Variants in ACACA observed in about 807,000 individuals in gnomAD.
The protein encoded by ACACA is acetyl-CoA carboxylase 1.
A neutral mutation model predicts 296.1 loss-of-function variants in ACACA; 103 were observed. The ratio of observed to expected loss-of-function variants is 0.35; its 90% CI spans 0.30 to 0.41. The LOEUF is 0.41. ACACA is among the 10% of genes least tolerant of loss of function. The pLI is 1.00. For synonymous variants in ACACA, 953 were observed against 1,038.6 expected, an observed-to-expected ratio of 0.92 and a Z score of 1.58; for missense variants, 1,554 against 2,989.7, an observed-to-expected ratio of 0.52 and a Z score of 11.20.
intron 11 of ACACA, among the ~76,000 whole-genome samples, chr17:37,260,294 ATATTTTTTTTTT>A (rs1199430209): frequency 4.8e-4 from 7 of 14,708 alleles, no homozygotes; most frequent in African/African-American, 1.8e-3. Flanking sequence ...ATATATATAT[ATATTTTTTTTTT>A]TTTTTTTTTT....
At chr17:37,094,919 T>G (rs1597798157) in intron 54 of ACACA, among the ~76,000 whole-genome samples, 1 of 152,086 alleles carries the variant, frequency 6.6e-6, no homozygotes, top group Non-Finnish European at 1.5e-5. Flanking sequence ...AGCTACGGGG[T>G]GGGGGTTCTC....
chr17:37,226,262 C>G (rs1483746538), intron 26 of ACACA, 77 bp downstream of exon 26: 14 of 1,122,224 alleles, frequency 1.2e-5, no homozygotes, highest in Admixed American at 3.4e-5. Flanking sequence ...AGTGATTAAG[C>G]AAAAGTTCAT....
At chr17:37,090,750 T>C (rs943162778) in intron 54 of ACACA, among the ~76,000 whole-genome samples, 7 of 152,092 alleles carry the variant, frequency 4.6e-5, no homozygotes, top group Non-Finnish European at 7.4e-5. Flanking sequence ...TATGGATGGG[T>C]CCCCCTGGAC....
intron 3 of ACACA, among the ~76,000 whole-genome samples, chr17:37,287,569 T>TAAAAAAAA (rs1170331801): frequency 7.2e-5 from 5 of 69,872 alleles, no homozygotes; most frequent in East Asian, 3.5e-4. Context: ...ACGTCTCTAC[T>TAAAAAAAA]AAAAAAAAAA....
At chr17:37,289,315 T>C (rs879630238) in intron 3 of ACACA, 1 of 497,806 alleles carries the variant, frequency 2.0e-6, no homozygotes, top group Non-Finnish European at 3.3e-6. Flanking sequence ...AAAACAGGTA[T>C]ATCTGGCTGT....
chr17:37,367,478 C>T (rs890754608), intron 1 of ACACA: 1 of 152,134 alleles, frequency 6.6e-6, no homozygotes, highest in Admixed American at 6.6e-5. Flanking sequence ...TGCTTTAAAT[C>T]CTGACTCTGT....
At chr17:37,239,957 G>A (rs2080308920) in intron 24 of ACACA, among the ~76,000 whole-genome samples, 1 of 152,216 alleles carries the variant, frequency 6.6e-6, no homozygotes, top group African/African-American at 2.4e-5. Context: ...TTTAGCCAAG[G>A]TTATTTCACA....
chr17:37,318,754 C>T (rs1403137882), intron 3 of ACACA, among the ~76,000 whole-genome samples: 3 of 152,128 alleles, frequency 2.0e-5, no homozygotes, highest in Non-Finnish European at 4.4e-5. Context: ...GCACATTTTA[C>T]TATTCCAAAA....
intron 1 of ACACA, among the ~76,000 whole-genome samples, chr17:37,374,492 G>T (rs2049922837): frequency 6.6e-6 from 1 of 151,972 alleles, no homozygotes; most frequent in Non-Finnish European, 1.5e-5. Context: ...TCTCCATGTT[G>T]GTCAGGCTGG....
intron 41 of ACACA, among the ~76,000 whole-genome samples, chr17:37,168,170 A>C (rs1598043885): frequency 6.6e-6 from 1 of 152,160 alleles, no homozygotes; most frequent in East Asian, 1.9e-4. Context: ...CTACGGCATA[A>C]GTTTGTTGTA....
rs191468118 is a variant in ACACA, at chr17:37,098,110, C to T, written c.6566-126G>A. ...CTCTTCCCTCTGTGGCCTGGCTCTC[C>T]GTTGTCTTCTCTGCTCTTTGCTGAT... On this transcript the variant is annotated intron_variant, in intron 52 of 55. Transcript: ENST00000616317. 2.6e-4 allele frequency: 305 copies of T among 1,185,048 alleles called. No individual in the cohort carries two copies. In the East Asian group the frequency reaches 4.4e-3, roughly 17 times the overall value. The allele number at this position is 1,185,048 out of a possible 1,614,324, so 73.4% of individuals were successfully genotyped here. A position where few individuals can be genotyped will look rare whatever the true frequency, so the allele number is the denominator to read the frequency against.
intron 46 of ACACA, among the ~76,000 whole-genome samples, 180 bp from the exon 47 acceptor site, chr17:37,129,665 C>T (rs886753426): frequency 2.6e-5 from 4 of 152,110 alleles, no homozygotes; most frequent in Non-Finnish European, 5.9e-5. Flanking sequence ...ATGTATAGGT[C>T]AATAGTCTCA....
chr17:37,264,556 A>G (rs2081660990), intron 10 of ACACA, among the ~76,000 whole-genome samples: 1 of 151,942 alleles, frequency 6.6e-6, no homozygotes, highest in African/African-American at 2.4e-5. Context: ...ATAAGCATAG[A>G]TGTGGTTCTT....
chr17:37,313,306 G>GA (rs900892413), intron 3 of ACACA, among the ~76,000 whole-genome samples: 84 of 141,104 alleles, frequency 6.0e-4, no homozygotes, highest in South Asian at 1.3e-3. Flanking sequence ...AAGTTGAAGG[G>GA]AAAAAAAAAA....
chr17:37,297,074 T>C (rs1598427217), intron 3 of ACACA, among the ~76,000 whole-genome samples: 1 of 151,982 alleles, frequency 6.6e-6, no homozygotes, highest in Admixed American at 6.6e-5. Flanking sequence ...TATATACTTA[T>C]AGAGATATAT....
intron 42 of ACACA, among the ~76,000 whole-genome samples, chr17:37,158,648 A>AAAAC (rs2076346825): frequency 1.3e-5 from 2 of 152,030 alleles, no homozygotes; most frequent in Admixed American, 1.3e-4. Flanking sequence ...AAAACAAAAC[A>AAAAC]AAAAAACAGG....
At chr17:37,260,567 G>A (rs1295914331) in intron 11 of ACACA, among the ~76,000 whole-genome samples, 6 of 151,738 alleles carry the variant, frequency 4.0e-5, no homozygotes, top group Admixed American at 3.9e-4. Context: ...GCCTCCTAAA[G>A]TGCTGGGATT....
chr17:37,394,745 C>T lies in ACACA; in HGVS notation c.38+11517G>A, dbSNP rs138072815. Among the ~76,000 whole-genome samples, 881 of 150,076 alleles carry T rather than the reference C, an allele frequency of 5.9e-3. 12 individuals are homozygous for T. The highest frequency in any genetic ancestry group is 0.02 in the African/African-American group (806 of 41,052). On this transcript the variant is annotated intron_variant, in intron 1 of 55. Coordinates refer to ENST00000616317, the MANE Select transcript of ACACA (RefSeq NM_198834.3). The stretch of plus-strand genomic sequence containing the variant: ...AAAAAAAGAAAAAGAAAAAATTAGC[C>T]GGGTGTGGTGGCAGGCATCTGTAGT...
chr17:37,348,097 C>A (rs1421797684), intron 1 of ACACA, among the ~76,000 whole-genome samples: 1 of 150,918 alleles, frequency 6.6e-6, no homozygotes, highest in Non-Finnish European at 1.5e-5. Context: ...TGCTTGAACC[C>A]GGGAGGCAGA....
Sources: allele counts gnomAD v4.1 joint callset (sites outside exome capture counted in the v4.1 genomes callset), GRCh38; gene constraint gnomAD v4.1.1; transcripts MANE v1.5; gene names NCBI Gene and HGNC (gene_info 2026-07-23, HGNC 2026-07-21).